DOCK6: variants seen among roughly 807,000 people sequenced by gnomAD.
DOCK6 encodes the protein dedicator of cytokinesis protein 6.
A neutral mutation model predicts 230.3 loss-of-function variants in DOCK6; 167 were observed. The observed-to-expected ratio is 0.73, with a 90% CI of 0.64 to 0.82. The LOEUF is 0.82. Ranked by LOEUF, DOCK6 falls within the 40% of genes least tolerant of loss-of-function variation. The pLI is 0.00. For synonymous variants in DOCK6, 1,148 were observed against 1,185.0 expected (o/e 0.97, Z 0.64); for missense variants, 2,598 against 2,825.8 (o/e 0.92, Z 1.83).
rs1195878156 is a variant in DOCK6 at position 11,235,725 on chromosome 19, G to A, written c.2427C>T (p.Ala809=). The A allele has an allele frequency of 6.3e-7, 1 of 1,598,802 alleles. No homozygotes were observed. ...TCCGGTGAACAAGGCTGACTACATGGGCCATTGCTTCAAAGGCTCCACGGC... is the reference window on the plus strand; with the variant it reads ...TCCGGTGAACAAGGCTGACTACATGAGCCATTGCTTCAAAGGCTCCACGGC... ...NLGRGAFEAM[A]HVVSLVHRSL... is the part of the protein sequence containing the mutation. Residue 809 remains alanine, a synonymous_variant, in exon 21 of 48, where the codon GCC becomes GCT. Coordinates refer to ENST00000294618, the MANE Select transcript of DOCK6 (RefSeq NM_020812.4).
intron 14 of DOCK6, among the ~76,000 whole-genome samples, chr19:11,240,878 C>T (rs1033137108): frequency 1.3e-5 from 2 of 151,390 alleles, no homozygotes; most frequent in Admixed American, 1.3e-4. Context: ...CCAATAAATT[C>T]TTACTACTAG....
chr19:11,238,468 G>C, intron 14 of DOCK6, 164 bp from the exon 15 acceptor site: 2 of 637,762 alleles, frequency 3.1e-6, no homozygotes, highest in Non-Finnish European at 5.6e-6. Flanking sequence ...ACAGGTATCA[G>C]TCAGGAGATA....
At chr19:11,235,863 T>A (rs553626984) in intron 20 of DOCK6, 104 bp from the exon 21 acceptor site, 35 of 1,387,100 alleles carry the variant, frequency 2.5e-5, no homozygotes, top group Non-Finnish European at 3.3e-5. Flanking sequence ...CATGTGCTCA[T>A]TAAGGGGTCA....
intron 1 of DOCK6, among the ~76,000 whole-genome samples, chr19:11,256,959 G>A (rs1046869502): frequency 1.3e-5 from 2 of 151,902 alleles, no homozygotes; most frequent in Non-Finnish European, 1.5e-5. Context: ...GATTACAGGC[G>A]TGAGCCACCG....
chr19:11,241,679 C>T, intron 14 of DOCK6: 1 of 1,583,522 alleles, frequency 6.3e-7, no homozygotes, highest in Non-Finnish European at 8.6e-7. Context: ...AGCGGCGCTC[C>T]CAGCCTGAAT....
Position 11,201,864 on chromosome 19 carries a change from CG to C in DOCK6, c.5688+24del. ...TGATGTCCCCTCACCTCCCCACCCC[CG>C]CCAGGCCCAGGATCCCCACCCACCT... is the stretch of plus-strand genomic sequence containing the variant. On this transcript the variant is annotated intron_variant, in intron 44 of 47. Coordinates refer to ENST00000294618, the MANE Select transcript of DOCK6 (RefSeq NM_020812.4). The surrounding 1 kb of genome is among the most constrained non-coding windows in gnomAD (Gnocchi z 4.3). 2.9e-5 allele frequency: 44 copies of C among 1,529,716 alleles called. No homozygotes were observed. The highest frequency in any genetic ancestry group is 1.4e-4 in the South Asian group (12 of 83,316). 94.8% of individuals were successfully genotyped at this position (1,529,716 alleles called of 1,614,324 possible). A position where few individuals can be genotyped will look rare whatever the true frequency, so the allele number is the denominator to read the frequency against.
At chr19:11,233,111 T>G in intron 22 of DOCK6, 92 bp downstream of exon 22, 1 of 1,499,162 alleles carries the variant, frequency 6.7e-7, no homozygotes, top group Non-Finnish European at 9.0e-7. Context: ...TCGTCTCTGT[T>G]GTTTCCCATG....
intron 7 of DOCK6, chr19:11,247,804 A>T: frequency 2.5e-6 from 1 of 395,930 alleles, no homozygotes; most frequent in South Asian, 3.3e-5. Flanking sequence ...TGCCCACTTC[A>T]TGAGGTTGTG....
rs558552039 is a variant in DOCK6 at position 11,222,461 on chromosome 19, G to C, written c.3241-213C>G. 2 of 751,282 alleles carry C rather than the reference G, an allele frequency of 2.7e-6. No homozygotes were observed. Among genetic ancestry groups the C allele is most frequent in the Admixed American group, 5.9e-5 (2 of 34,164 alleles). 46.5% of individuals were successfully genotyped at this position (751,282 alleles called of 1,614,324 possible). On this transcript the variant is annotated intron_variant, in intron 26 of 47. Coordinates refer to ENST00000294618, the MANE Select transcript of DOCK6 (RefSeq NM_020812.4). The surrounding 1 kb of genome is among the most constrained non-coding windows in gnomAD (Gnocchi z 4.0). ...ACCCATCTGTGATGTAACAGGGCAC[G>C]GAGTCAAAAGTCAGAGGACTGAGAA...
intron 28 of DOCK6, among the ~76,000 whole-genome samples, chr19:11,220,848 G>A (rs535165275): frequency 9.7e-5 from 14 of 144,264 alleles, no homozygotes; most frequent in East Asian, 6.0e-4. Flanking sequence ...TTTTTGAGAC[G>A]GAGTCTCGCT....
At position 11,202,937 on chromosome 19, in the gene DOCK6, G is replaced by T. The variant is rs1368572796; in HGVS notation, c.5236-228C>A. Among the ~76,000 whole-genome samples the T allele has an allele frequency of 6.6e-6, 1 of 152,190 alleles. No homozygotes were observed. The highest frequency in any genetic ancestry group is 1.5e-5 in the Non-Finnish European group (1 of 68,034). On this transcript the variant is annotated intron_variant, in intron 41 of 47. Coordinates refer to ENST00000294618, the MANE Select transcript of DOCK6 (RefSeq NM_020812.4). The surrounding 1 kb of genome is among the most constrained non-coding windows in gnomAD (Gnocchi z 5.3). The stretch of plus-strand genomic sequence containing the variant: ...GTGTCCCTAATGCCCGTGGGACAGG[G>T]TATACAGCAGGTACCCAATACATGC...
At chr19:11,223,749 C>T (rs1226932328) in intron 24 of DOCK6, among the ~76,000 whole-genome samples, 1 of 152,044 alleles carries the variant, frequency 6.6e-6, no homozygotes, top group South Asian at 2.1e-4. Context: ...CAGGTTCAAG[C>T]GATTCTTCTG....
At chr19:11,220,822 A>ATTTT (rs372764985) in intron 28 of DOCK6, among the ~76,000 whole-genome samples, 2 of 139,794 alleles carry the variant, frequency 1.4e-5, no homozygotes, top group African/African-American at 5.3e-5. Flanking sequence ...TAATATCTGA[A>ATTTT]TTTTTTTTTT....
Position 11,209,012 on chromosome 19 carries a change from C to T in DOCK6, c.4843G>A (p.Glu1615Lys), listed in dbSNP as rs781652427. Residue 1615 changes from glutamate (E) to lysine (K), a missense_variant, in exon 38 of 48, where the codon GAG becomes AAG. By Grantham distance (56) the Glu-to-Lys change is moderately conservative. Coordinates refer to ENST00000294618, the MANE Select transcript of DOCK6 (RefSeq NM_020812.4). ...GKHAELGNHA[E>K]AAQCMVHAAA... ...GCGTGCACCATGCACTGGGCGGCCT[C>T]GGCGTGGTTGCCCAGCTCCGCGTGC... The T allele has an allele frequency of 3.5e-5, 56 of 1,611,484 alleles. No homozygotes were observed. The Admixed American group carries it at 6.0e-4, about 17-fold the overall frequency.
chr19:11,237,522 G>A lies in DOCK6; in HGVS notation c.2007C>T (p.Thr669=), dbSNP rs775576151. 1.3e-5 allele frequency: 21 copies of A among 1,613,122 alleles called. No homozygotes were observed. Among genetic ancestry groups the A allele is most frequent in the East Asian group, 4.5e-5 (2 of 44,830 alleles). Residue 669 remains threonine (T), a synonymous_variant, in exon 18 of 48, where the codon ACC becomes ACT. Coordinates refer to ENST00000294618, the MANE Select transcript of DOCK6 (RefSeq NM_020812.4). ...CAGACACTGGGAGACAGAAGGGGCC[G>A]GTCCTCAGGCGCCCGTGCTGCAGCA... ...IPLLQHGRLR[T]GPFCLPVSVD... is the part of the protein sequence containing the mutation.
intron 22 of DOCK6, chr19:11,232,155 C>T (rs1475172096): frequency 7.8e-7 from 1 of 1,279,500 alleles, no homozygotes; most frequent in Admixed American, 2.3e-5. Context: ...GGTGGTGTCA[C>T]ATGAGTGCAG....
At chr19:11,250,840 G>A (rs769728806) in intron 6 of DOCK6, 34 bp downstream of exon 6, 21 of 1,583,394 alleles carry the variant, frequency 1.3e-5, no homozygotes, top group Non-Finnish European at 1.4e-5. Context: ...CCCAGTAAAT[G>A]CTGGTTGGCT....
chr19:11,233,140 C>G (rs1398807660), intron 22 of DOCK6, 63 bp downstream of exon 22: 1 of 1,567,912 alleles, frequency 6.4e-7, no homozygotes, highest in African/African-American at 1.4e-5. Flanking sequence ...ACAGATTCTT[C>G]GCCCACACAC....
At chr19:11,241,550 G>A (rs1404771846) in intron 14 of DOCK6, 34 of 1,553,528 alleles carry the variant, frequency 2.2e-5, no homozygotes, top group Non-Finnish European at 2.9e-5. Context: ...ACAGATCCAG[G>A]AGAGGTGAGC....
Sources: allele counts gnomAD v4.1 joint callset (sites outside exome capture counted in the v4.1 genomes callset), GRCh38; gene constraint gnomAD v4.1.1; non-coding constraint Gnocchi (gnomAD v3.1); transcripts MANE v1.5; gene names NCBI Gene and HGNC (gene_info 2026-07-23, HGNC 2026-07-21).